Variants in PIEZO2 observed in about 807,000 individuals in gnomAD.
PIEZO2 encodes the protein piezo type mechanosensitive ion channel component 2.
PIEZO2 carries 172 observed loss-of-function variants against 337.3 expected under a neutral mutation model. The observed-to-expected ratio is 0.51, with a 90% CI of 0.45 to 0.58. The LOEUF (loss-of-function observed/expected upper bound fraction) is 0.58. Ranked by LOEUF, PIEZO2 falls within the 20% of genes least tolerant of loss-of-function variation. The pLI, the probability that PIEZO2 is intolerant of heterozygous loss-of-function variation, is 0.00. For missense variants in PIEZO2, 3,028 were observed against 3,391.3 expected (o/e 0.89, Z 2.66); for synonymous variants, 1,251 against 1,228.5 (o/e 1.02, Z -0.38).
chr18:11,133,455 T>C (rs560673924), intron 1 of PIEZO2, among the ~76,000 whole-genome samples: 10 of 152,184 alleles, frequency 6.6e-5, no homozygotes, highest in Non-Finnish European at 1.5e-4. Context: ...ATACAAAGAA[T>C]TGATCCTGGG....
chr18:11,144,229 G>A (rs896323339), intron 1 of PIEZO2, among the ~76,000 whole-genome samples: 47 of 152,212 alleles, frequency 3.1e-4, no homozygotes, highest in African/African-American at 1.1e-3. Context: ...GCTCATGCCC[G>A]TCTGTGTGGA....
intron 4 of PIEZO2, among the ~76,000 whole-genome samples, chr18:10,910,003 T>G (rs538493233): frequency 2.6e-5 from 4 of 152,350 alleles, no homozygotes; most frequent in African/African-American, 7.2e-5. Flanking sequence ...TCTACCGATG[T>G]GCTATTCTTT....
At chr18:11,075,413 T>C (rs1014324273) in intron 1 of PIEZO2, among the ~76,000 whole-genome samples, 1 of 152,376 alleles carries the variant, frequency 6.6e-6, no homozygotes, top group East Asian at 1.9e-4. Flanking sequence ...TTATGTCACC[T>C]GATTCATTGT....
chr18:10,913,684 C>A (rs1329772847), intron 3 of PIEZO2, among the ~76,000 whole-genome samples: 1 of 152,000 alleles, frequency 6.6e-6, no homozygotes, highest in Non-Finnish European at 1.5e-5. Context: ...CCTACTTCTG[C>A]GAAATGTAAA....
intron 3 of PIEZO2, among the ~76,000 whole-genome samples, chr18:10,959,582 A>T (rs1342149503): frequency 1.3e-5 from 2 of 152,144 alleles, no homozygotes; most frequent in Non-Finnish European, 2.9e-5. Flanking sequence ...TCAGTTTCTC[A>T]GTATTGCGTA....
At chr18:10,769,129 T>C (rs371815762) in intron 21 of PIEZO2, among the ~76,000 whole-genome samples, 1 of 152,382 alleles carries the variant, frequency 6.6e-6, no homozygotes, top group East Asian at 1.9e-4. Flanking sequence ...AATTTTTATC[T>C]GAACTGTTCA....
rs2041038879 is a variant in PIEZO2 at position 10,837,098 on chromosome 18, C to G, written c.917+18255G>C. The stretch of plus-strand genomic sequence containing the variant: ...TGTTAGTTTCTTAGGCAAAGAAACA[C>G]TCTTCGCACAGGGATTGCTCACAAC... On this transcript the variant is annotated intron_variant, in intron 7 of 55. Transcript: ENST00000674853. The surrounding 1 kb of genome is among the most constrained non-coding windows in gnomAD (Gnocchi z 4.4). 6.6e-6 allele frequency among the ~76,000 whole-genome samples: 1 copy of G among 152,144 alleles called. No homozygotes were observed. The highest frequency in any genetic ancestry group is 1.5e-5 in the Non-Finnish European group (1 of 68,032).
At chr18:11,040,435 T>G (rs1303108473) in intron 2 of PIEZO2, among the ~76,000 whole-genome samples, 1 of 152,186 alleles carries the variant, frequency 6.6e-6, no homozygotes, top group African/African-American at 2.4e-5. Context: ...ATCAGGGTTT[T>G]AACTGTCATC....
intron 2 of PIEZO2, among the ~76,000 whole-genome samples, chr18:11,051,372 T>TGTGG (rs1276959494): frequency 2.6e-5 from 4 of 151,324 alleles, no homozygotes; most frequent in Admixed American, 2.6e-4. Flanking sequence ...TGTGTGTGGG[T>TGTGG]GTGGGTGTGG....
intron 3 of PIEZO2, among the ~76,000 whole-genome samples, chr18:10,927,533 A>G (rs1331387340): frequency 6.6e-6 from 1 of 152,254 alleles, no homozygotes; most frequent in Admixed American, 6.5e-5. Context: ...CATTACATTT[A>G]CACAAAAGAA....
intron 44 of PIEZO2, 97 bp downstream of exon 44, chr18:10,698,828 C>T (rs1020802770): frequency 5.0e-6 from 7 of 1,398,914 alleles, no homozygotes; most frequent in Non-Finnish European, 6.7e-6. Flanking sequence ...CTCTTGATAG[C>T]ACCCAATACA....
chr18:10,886,416 A>G (rs1477474142), intron 4 of PIEZO2, among the ~76,000 whole-genome samples: 3 of 61,808 alleles, frequency 4.9e-5, no homozygotes, highest in South Asian at 6.0e-4. Context: ...ATATATATAT[A>G]TATATATGTA....
intron 5 of PIEZO2, among the ~76,000 whole-genome samples, chr18:10,860,531 G>A (rs552192975): frequency 3.9e-5 from 6 of 152,110 alleles, no homozygotes; most frequent in Non-Finnish European, 5.9e-5. Flanking sequence ...CCACACCATC[G>A]TCAACACACA....
At chr18:11,089,214 A>G (rs9954162) in intron 1 of PIEZO2, among the ~76,000 whole-genome samples, 86,763 of 151,900 alleles carry the variant, frequency 0.57, 26,234 homozygotes, top group African/African-American at 0.78. Flanking sequence ...CAATTTAGAT[A>G]TGTATCATGG....
chr18:10,942,067 C>T lies in PIEZO2; in HGVS notation c.287-30839G>A, dbSNP rs777981106. Among the ~76,000 whole-genome samples, 3 of 152,196 alleles carry T rather than the reference C, an allele frequency of 2.0e-5. No individual in the cohort carries two copies. The highest frequency in any genetic ancestry group is 2.1e-4 in the South Asian group (1 of 4,832). ...ACTTGCTCCTCCTTGCTTTCGGCCA[C>T]GATCGTGAGGCCTCTCCAGCCATGT... On this transcript the variant is annotated intron_variant, in intron 3 of 55. Transcript: ENST00000674853. The surrounding 1 kb of genome is among the most constrained non-coding windows in gnomAD (Gnocchi z 4.4).
chr18:10,715,643 G>A lies in PIEZO2; in HGVS notation c.5256+7C>T. On this transcript the variant is annotated splice_region_variant and intron_variant, in intron 38 of 55. Transcript: ENST00000674853. ...AGGAGCAAAAAGAATTACACCAGCA[G>A]TGTTACCTTCTTAATTTCTCTGGTC... 1 of 1,519,828 alleles carries A rather than the reference G, an allele frequency of 6.6e-7. No individual in the cohort carries two copies. The highest frequency in any genetic ancestry group is 2.1e-5 in the Admixed American group (1 of 47,810). The allele number at this position is 1,519,828 out of a possible 1,614,324, so 94.1% of individuals were successfully genotyped here. A position where few individuals can be genotyped will look rare whatever the true frequency, so the allele number is the denominator to read the frequency against.
At chr18:10,798,455 T>C (rs2039688643) in intron 11 of PIEZO2, among the ~76,000 whole-genome samples, 1 of 152,188 alleles carries the variant, frequency 6.6e-6, no homozygotes, top group Non-Finnish European at 1.5e-5. Context: ...TCATTCTTCC[T>C]GCAGTAGGAC....
chr18:11,127,238 T>C lies in PIEZO2; in HGVS notation c.64+21287A>G, dbSNP rs979712860. 6.6e-6 allele frequency among the ~76,000 whole-genome samples: 1 copy of C among 151,990 alleles called. No homozygotes were observed. The highest frequency in any genetic ancestry group is 1.5e-5 in the Non-Finnish European group (1 of 67,974). On this transcript the variant is annotated intron_variant, in intron 1 of 55. Transcript: ENST00000674853. The surrounding 1 kb of genome is among the most constrained non-coding windows in gnomAD (Gnocchi z 4.5). The stretch of plus-strand genomic sequence containing the variant: ...TGAGGAGGTGACATTTAGGCTGAGA[T>C]ATAGGAGGAAACGCTCATCAGAGCA...
intron 52 of PIEZO2, 131 bp from the exon 53 acceptor site, chr18:10,678,006 A>T: frequency 1.2e-6 from 1 of 857,944 alleles, no homozygotes; most frequent in Non-Finnish European, 1.7e-6. Context: ...GTCAATCCTG[A>T]CCCTTTCAGT....
Sources: gnomAD v4.1 joint callset for allele counts (sites outside exome capture counted in the v4.1 genomes callset) on GRCh38, gnomAD v4.1.1 for gene constraint, Gnocchi (gnomAD v3.1) non-coding constraint, MANE v1.5 for transcripts, NCBI Gene and HGNC (gene_info 2026-07-23, HGNC 2026-07-21) for gene names.